HTR7: variants seen among roughly 807,000 people sequenced by gnomAD.
The protein encoded by HTR7 is 5-HT-7.
Under a neutral mutation model 34.0 loss-of-function variants are expected in HTR7, and 16 were observed. The ratio of observed to expected loss-of-function variants is 0.47; its 90% CI spans 0.32 to 0.71. The LOEUF (loss-of-function observed/expected upper bound fraction) is 0.71, where lower values mean the gene tolerates loss of function less well. Among genes scored for constraint, HTR7 ranks in the 30% least tolerant of loss-of-function variants. The probability of loss-of-function intolerance (pLI) is 0.04; values close to 1 mark genes in which losing one functional copy is unlikely to be tolerated. For synonymous variants in HTR7, 265 were observed against 260.2 expected (o/e 1.02, Z -0.18); for missense variants, 504 against 625.5 (o/e 0.81, Z 2.07).
At chr10:90,856,991 AT>A in intron 1 of HTR7, 141 bp downstream of exon 1, 1 of 734,888 alleles carries the variant, frequency 1.4e-6, no homozygotes, top group Non-Finnish European at 2.2e-6. Flanking sequence ...TGTAGGGTGG[AT>A]TGGGGGGAGC....
Position 90,764,417 on chromosome 10 carries a change from A to G in HTR7, c.540-14823T>C, listed in dbSNP as rs559281064. Reference sequence around the variant, plus strand: ...CTCCCATTCTGTAAGTTGTCTGATCACTCTGTGGCTTTCTTTTTCAGATAG... The same window carrying G: ...CTCCCATTCTGTAAGTTGTCTGATCGCTCTGTGGCTTTCTTTTTCAGATAG... On this transcript the variant is annotated intron_variant, in intron 1 of 3. Transcript: ENST00000336152. Among the ~76,000 whole-genome samples the G allele has an allele frequency of 2.2e-3, 329 of 152,004 alleles. 1 individual carries two copies. Among genetic ancestry groups the G allele is most frequent in the Middle Eastern group, 0.014 (4 of 294 alleles).
chr10:90,811,697 G>A (rs1217381040), intron 1 of HTR7, among the ~76,000 whole-genome samples: 1 of 152,016 alleles, frequency 6.6e-6, no homozygotes, highest in African/African-American at 2.4e-5. Flanking sequence ...TACACATCAA[G>A]TTCAGGGATT....
At chr10:90,834,274 G>A (rs1466824499) in intron 1 of HTR7, among the ~76,000 whole-genome samples, 3 of 152,084 alleles carry the variant, frequency 2.0e-5, no homozygotes, top group African/African-American at 7.2e-5. Flanking sequence ...CCTACCCTTG[G>A]AGTATCCAAA....
At chr10:90,846,126 C>T (rs1411608962) in intron 1 of HTR7, among the ~76,000 whole-genome samples, 1 of 152,156 alleles carries the variant, frequency 6.6e-6, no homozygotes, top group African/African-American at 2.4e-5. Context: ...TGTGCATATA[C>T]ATAATAAAAT....
At chr10:90,787,738 G>C (rs1216423387) in intron 1 of HTR7, among the ~76,000 whole-genome samples, 1 of 152,074 alleles carries the variant, frequency 6.6e-6, no homozygotes, top group African/African-American at 2.4e-5. Flanking sequence ...ACATTTTACA[G>C]ATGACAAAGC....
chr10:90,846,598 A>G (rs1262842195), intron 1 of HTR7, among the ~76,000 whole-genome samples: 1 of 152,210 alleles, frequency 6.6e-6, no homozygotes, highest in Non-Finnish European at 1.5e-5. Context: ...AGCTCTAGCC[A>G]CCATCTTCAT....
rs1038878606 is a variant in HTR7 at position 90,766,372 on chromosome 10, C to A, written c.540-16778G>T. 5.3e-5 allele frequency among the ~76,000 whole-genome samples: 8 copies of A among 152,256 alleles called. No individual in the cohort carries two copies. In the East Asian group the frequency reaches 1.4e-3, roughly 26 times the overall value. Reference sequence around the variant, plus strand: ...TTTTGGTACTACTTGCATGAAATATCTTTTTCCATCCCATTTTCCATCCCA... The same window carrying A: ...TTTTGGTACTACTTGCATGAAATATATTTTTCCATCCCATTTTCCATCCCA... On this transcript the variant is annotated intron_variant, in intron 1 of 3. Transcript: ENST00000336152.
chr10:90,824,452 TGTG>T (rs1258111484), intron 1 of HTR7, among the ~76,000 whole-genome samples: 1 of 152,198 alleles, frequency 6.6e-6, no homozygotes, highest in Non-Finnish European at 1.5e-5. Flanking sequence ...CATTCCCAGC[TGTG>T]GTAGCCAAGG....
intron 1 of HTR7, among the ~76,000 whole-genome samples, chr10:90,776,970 G>T (rs1010409632): frequency 2.0e-5 from 3 of 152,160 alleles, no homozygotes; most frequent in Non-Finnish European, 4.4e-5. Flanking sequence ...GCAAATGAGA[G>T]CAATTAATTC....
intron 1 of HTR7, among the ~76,000 whole-genome samples, chr10:90,803,842 T>C (rs900516564): frequency 6.6e-6 from 1 of 152,058 alleles, no homozygotes. Flanking sequence ...AAATACTGGG[T>C]AGGAGAGGGC....
intron 1 of HTR7, among the ~76,000 whole-genome samples, chr10:90,779,589 A>T (rs1845273869): frequency 6.6e-6 from 1 of 152,198 alleles, no homozygotes; most frequent in African/African-American, 2.4e-5. Flanking sequence ...GCAACTCTTT[A>T]GGCCAGCTCT....
intron 1 of HTR7, among the ~76,000 whole-genome samples, chr10:90,768,101 A>G (rs910554057): frequency 6.6e-6 from 1 of 152,104 alleles, no homozygotes; most frequent in African/African-American, 2.4e-5. Context: ...CATTTCCCCA[A>G]CTTAGTGAGT....
chr10:90,805,198 T>C (rs192521921), intron 1 of HTR7, among the ~76,000 whole-genome samples: 15 of 152,310 alleles, frequency 9.8e-5, no homozygotes, highest in African/African-American at 3.1e-4. Context: ...TGGTCATTAC[T>C]ATAGGGGGCT....
intron 1 of HTR7, among the ~76,000 whole-genome samples, chr10:90,789,309 T>C (rs1845430498): frequency 6.6e-6 from 1 of 152,192 alleles, no homozygotes; most frequent in South Asian, 2.1e-4. Flanking sequence ...TTTGCCTACA[T>C]GGTCTTCACA....
intron 1 of HTR7, among the ~76,000 whole-genome samples, chr10:90,798,872 A>G (rs1481725135): frequency 1.3e-5 from 2 of 152,238 alleles, no homozygotes; most frequent in African/African-American, 4.8e-5. Flanking sequence ...AGATAATAAC[A>G]GCCCTTTCCC....
At chr10:90,797,182 TTA>T (rs1466245335) in intron 1 of HTR7, among the ~76,000 whole-genome samples, 1 of 152,212 alleles carries the variant, frequency 6.6e-6, no homozygotes, top group Non-Finnish European at 1.5e-5. Context: ...TTTTTCATTT[TTA>T]TGTGTTTTTC....
intron 1 of HTR7, among the ~76,000 whole-genome samples, chr10:90,753,315 T>A (rs1844772217): frequency 4.6e-5 from 7 of 152,152 alleles, no homozygotes; most frequent in Admixed American, 4.6e-4. Context: ...AAGGATCACT[T>A]GAGGCCAGGA....
chr10:90,809,764 G>A (rs1015988372), intron 1 of HTR7, among the ~76,000 whole-genome samples: 7 of 152,182 alleles, frequency 4.6e-5, no homozygotes, highest in East Asian at 1.9e-4. Flanking sequence ...CCTAAGTCAC[G>A]TCCCATCTGT....
intron 1 of HTR7, among the ~76,000 whole-genome samples, chr10:90,828,667 C>A (rs1377032107): frequency 6.6e-6 from 1 of 151,924 alleles, no homozygotes; most frequent in Non-Finnish European, 1.5e-5. Context: ...TTTGAACATA[C>A]CGATAACAAG....
Sources: gnomAD v4.1 joint callset for allele counts (sites outside exome capture counted in the v4.1 genomes callset) on GRCh38, gnomAD v4.1.1 for gene constraint, MANE v1.5 for transcripts, NCBI Gene and HGNC (gene_info 2026-07-23, HGNC 2026-07-21) for gene names.